Variants in CADM2 observed in about 807,000 individuals in gnomAD.
CADM2 encodes the protein immunoglobulin superfamily member 4D.
In CADM2, 12 loss-of-function variants were observed where a neutral mutation model predicts 49.8. That is an observed-to-expected ratio of 0.24 (90% CI 0.15 to 0.39). The LOEUF (loss-of-function observed/expected upper bound fraction) is 0.39. Among genes scored for constraint, CADM2 ranks in the 10% least tolerant of loss-of-function variants. The pLI, the probability that CADM2 is intolerant of heterozygous loss-of-function variation, is 1.00. For missense variants in CADM2, 378 were observed against 492.3 expected, an observed-to-expected ratio of 0.77 and a Z score of 2.20; for synonymous variants, 214 against 175.4, an observed-to-expected ratio of 1.22 and a Z score of -1.74.
At position 85,282,555 on chromosome 3, in the gene CADM2, A is replaced by T. The variant is rs192321850; in HGVS notation, c.61+322887A>T. 5.4e-3 allele frequency among the ~76,000 whole-genome samples: 812 copies of T among 151,176 alleles called. 4 individuals are homozygous for T. Among genetic ancestry groups the T allele is most frequent in the African/African-American group, 0.019 (770 of 41,184 alleles). On this transcript the variant is annotated intron_variant, in intron 1 of 9. Transcript: ENST00000383699. ...CCAAAGTGCTGTGATTACAGGGGTG[A>T]TCCGCTGTGTCCAGGCATCAAATAT... is the stretch of plus-strand genomic sequence containing the variant.
At chr3:85,273,131 G>T (rs905349056) in intron 1 of CADM2, among the ~76,000 whole-genome samples, 6 of 151,280 alleles carry the variant, frequency 4.0e-5, no homozygotes, top group African/African-American at 1.5e-4. Flanking sequence ...AAGAGAAGCG[G>T]CAGACTCTGT....
chr3:85,507,868 A>G (rs2040428175), intron 1 of CADM2, among the ~76,000 whole-genome samples: 1 of 152,224 alleles, frequency 6.6e-6, no homozygotes. Context: ...GTATGCAATT[A>G]CAAATAAAAT....
At chr3:85,699,920 T>C (rs1292508571) in intron 1 of CADM2, among the ~76,000 whole-genome samples, 2 of 152,236 alleles carry the variant, frequency 1.3e-5, no homozygotes, top group Admixed American at 6.5e-5. Flanking sequence ...ATGCTCTGCT[T>C]ATCCTTTAAA....
At chr3:85,898,552 A>G (rs553288954) in intron 5 of CADM2, among the ~76,000 whole-genome samples, 2 of 151,188 alleles carry the variant, frequency 1.3e-5, no homozygotes, top group East Asian at 3.9e-4. Flanking sequence ...AAAAAGAATC[A>G]TAGGGTCTGT....
Position 85,662,376 on chromosome 3 carries a change from T to G in CADM2, c.62-64146T>G, listed in dbSNP as rs1340042686. Among the ~76,000 whole-genome samples, 5 of 152,116 alleles carry G rather than the reference T, an allele frequency of 3.3e-5. No homozygotes were observed. In the East Asian group the frequency reaches 9.7e-4, roughly 29 times the overall value. ...CACAATTGCTGCTTCACTCCATTAC[T>G]AATAAGCACTAAAATGATATCTTTG... On this transcript the variant is annotated intron_variant, in intron 1 of 9. Transcript: ENST00000383699.
At chr3:85,969,549 A>C (rs2108636922) in intron 8 of CADM2, among the ~76,000 whole-genome samples, 1 of 151,428 alleles carries the variant, frequency 6.6e-6, no homozygotes, top group South Asian at 2.1e-4. Context: ...ACTTCAATTA[A>C]ATACTCTACA....
intron 1 of CADM2, among the ~76,000 whole-genome samples, chr3:85,295,256 A>T (rs1402171928): frequency 6.6e-6 from 1 of 152,002 alleles, no homozygotes; most frequent in Non-Finnish European, 1.5e-5. Context: ...ATCTCACACC[A>T]GTTAGAATGG....
intron 1 of CADM2, among the ~76,000 whole-genome samples, chr3:85,282,677 A>G (rs1036180038): frequency 5.3e-5 from 8 of 152,088 alleles, no homozygotes; most frequent in African/African-American, 1.9e-4. Flanking sequence ...TGTTGCAAAG[A>G]CATATATTTG....
At chr3:85,828,733 A>C (rs1201321153) in intron 3 of CADM2, among the ~76,000 whole-genome samples, 2 of 151,776 alleles carry the variant, frequency 1.3e-5, no homozygotes, top group Non-Finnish European at 2.9e-5. Context: ...TTCCATTTTA[A>C]TCCCCTAATT....
chr3:85,123,935 T>C (rs1219711318), intron 1 of CADM2, among the ~76,000 whole-genome samples: 1 of 152,218 alleles, frequency 6.6e-6, no homozygotes, highest in Non-Finnish European at 1.5e-5. Flanking sequence ...ATATCTATGT[T>C]TGAACTCAAC....
intron 1 of CADM2, among the ~76,000 whole-genome samples, chr3:84,990,455 A>T (rs1179077103): frequency 6.6e-6 from 1 of 151,824 alleles, no homozygotes; most frequent in African/African-American, 2.4e-5. Context: ...ATTTTGAAGT[A>T]GTTTAAAGGT....
chr3:85,713,267 T>G lies in CADM2; in HGVS notation c.62-13255T>G, dbSNP rs557923233. On this transcript the variant is annotated intron_variant, in intron 1 of 9. Coordinates refer to ENST00000383699, the MANE Select transcript of CADM2 (RefSeq NM_001167675.2). ...CACCCGCTGCCACGCGGGACTAATT[T>G]TTTTGTATTTTTTAGTAGAGATGGC... Among the ~76,000 whole-genome samples the G allele has an allele frequency of 7.9e-5, 12 of 152,204 alleles. 1 individual carries two copies. The East Asian group carries it at 2.3e-3, about 29-fold the overall frequency.
chr3:85,929,882 T>C (rs1027852503), intron 6 of CADM2, among the ~76,000 whole-genome samples: 4 of 152,004 alleles, frequency 2.6e-5, no homozygotes, highest in Non-Finnish European at 5.9e-5. Flanking sequence ...TTATGTATGA[T>C]AAAGTGTCTG....
chr3:86,013,715 A>T (rs1394798055), intron 8 of CADM2: 3 of 1,597,494 alleles, frequency 1.9e-6, no homozygotes, highest in Admixed American at 3.4e-5. Flanking sequence ...TAAGAGAGGA[A>T]TTTATAGGTT....
chr3:85,876,991 T>A (rs1476457448), intron 3 of CADM2, among the ~76,000 whole-genome samples: 1 of 152,170 alleles, frequency 6.6e-6, no homozygotes, highest in East Asian at 1.9e-4. Context: ...AACGGTGTAT[T>A]GGAAAAATCA....
chr3:85,156,744 CA>C (rs1285823319), intron 1 of CADM2, among the ~76,000 whole-genome samples: 12 of 152,178 alleles, frequency 7.9e-5, no homozygotes, highest in African/African-American at 2.2e-4. Context: ...ACTGAAGGGG[CA>C]AAAACTGGAA....
chr3:85,475,786 A>G (rs58677682), intron 1 of CADM2, among the ~76,000 whole-genome samples: 30,107 of 151,782 alleles, frequency 0.2, 3,787 homozygotes, highest in East Asian at 0.3. Flanking sequence ...ATCTACATTT[A>G]TGAAGGAAAT....
chr3:85,567,584 AGTAT>A (rs2062303399), intron 1 of CADM2, among the ~76,000 whole-genome samples: 1 of 151,820 alleles, frequency 6.6e-6, no homozygotes, highest in African/African-American at 2.4e-5. Flanking sequence ...ATTTTTTTTT[AGTAT>A]GTATTGTTTT....
At chr3:85,550,563 AAC>A (rs1281650438) in intron 1 of CADM2, among the ~76,000 whole-genome samples, 1 of 152,218 alleles carries the variant, frequency 6.6e-6, no homozygotes, top group African/African-American at 2.4e-5. Context: ...TGATGTAGGT[AAC>A]ACAAACTCTT....
Sources: allele counts gnomAD v4.1 joint callset (sites outside exome capture counted in the v4.1 genomes callset), GRCh38; gene constraint gnomAD v4.1.1; transcripts MANE v1.5; gene names NCBI Gene and HGNC (gene_info 2026-07-23, HGNC 2026-07-21).